The following CAMTA1 variants were observed in gnomAD, a reference collection of about 807,000 sequenced individuals.
CAMTA1 encodes the protein calmodulin-binding transcription activator 1.
A neutral mutation model predicts 170.9 loss-of-function variants in CAMTA1; 27 were observed. That is an observed-to-expected ratio of 0.16 (90% CI 0.12 to 0.22). The LOEUF (loss-of-function observed/expected upper bound fraction) is 0.22. Ranked by LOEUF, CAMTA1 falls within the 10% of genes least tolerant of loss-of-function variation. The pLI is 1.00. For synonymous variants in CAMTA1, 833 were observed against 891.5 expected (o/e 0.93, Z 1.17); for missense variants, 1,619 against 2,217.2 (o/e 0.73, Z 5.42).
intron 3 of CAMTA1, among the ~76,000 whole-genome samples, chr1:7,056,870 T>C (rs937807294): frequency 6.6e-6 from 1 of 152,170 alleles, no homozygotes; most frequent in Non-Finnish European, 1.5e-5. Flanking sequence ...ATAGGGGCCA[T>C]GAGAGCCGAT....
At chr1:7,436,569 G>A (rs1329072451) in intron 5 of CAMTA1, among the ~76,000 whole-genome samples, 1 of 152,144 alleles carries the variant, frequency 6.6e-6, no homozygotes, top group East Asian at 1.9e-4. Context: ...GGAGGAGCAG[G>A]GTGAGGTCGG....
chr1:7,715,432 C>CTTTTTTTTTTTTTTTT (rs34965685), intron 11 of CAMTA1, among the ~76,000 whole-genome samples: 1 of 142,276 alleles, frequency 7.0e-6, no homozygotes. Flanking sequence ...TAGCCACACA[C>CTTTTTTTTTTTTTTTT]TTTTTTTTTT....
intron 3 of CAMTA1, among the ~76,000 whole-genome samples, chr1:6,832,041 A>T (rs12723042): frequency 0.074 from 11,292 of 152,150 alleles, 504 homozygotes; most frequent in Non-Finnish European, 0.1. Flanking sequence ...TTATTAAATA[A>T]TAATTAATTT....
chr1:7,215,616 A>G (rs1454883739), intron 4 of CAMTA1, among the ~76,000 whole-genome samples: 1 of 151,992 alleles, frequency 6.6e-6, no homozygotes, highest in East Asian at 1.9e-4. Context: ...CTGGTCTCAA[A>G]CTCCTGACTT....
chr1:7,010,446 A>G lies in CAMTA1; in HGVS notation c.235-80858A>G, dbSNP rs577310002. On this transcript the variant is annotated intron_variant, in intron 3 of 22. Transcript: ENST00000303635. This position sits in a 1 kb window ranked among gnomAD's most constrained non-coding sequence, Gnocchi z 4.4. The stretch of plus-strand genomic sequence containing the variant: ...CTCCCAGGTCATGTCAGTCCTGAGG[A>G]TGCCAGGAGACGCTTTCTGAACACA... Among the ~76,000 whole-genome samples, 3 of 152,318 alleles carry G rather than the reference A, an allele frequency of 2.0e-5. No homozygotes were observed. The South Asian group carries it at 6.2e-4, about 32-fold the overall frequency.
chr1:7,103,358 A>AAC (rs200627225), intron 4 of CAMTA1, among the ~76,000 whole-genome samples: 2 of 151,288 alleles, frequency 1.3e-5, no homozygotes, highest in Admixed American at 1.3e-4. Flanking sequence ...ATGCACACAC[A>AAC]ACACACACAT....
chr1:6,874,903 C>G (rs1669399985), intron 3 of CAMTA1, among the ~76,000 whole-genome samples: 1 of 152,138 alleles, frequency 6.6e-6, no homozygotes, highest in Admixed American at 6.5e-5. Context: ...AAGGTTTTCA[C>G]CCAGCTGCGG....
chr1:6,962,464 T>A (rs1482202372), intron 3 of CAMTA1, among the ~76,000 whole-genome samples: 1 of 147,480 alleles, frequency 6.8e-6, no homozygotes, highest in Non-Finnish European at 1.5e-5. Flanking sequence ...TCCGTTTTGG[T>A]TCCTCTCTCC....
intron 6 of CAMTA1, among the ~76,000 whole-genome samples, chr1:7,595,543 G>A (rs1339119824): frequency 3.3e-5 from 5 of 152,162 alleles, no homozygotes; most frequent in East Asian, 3.9e-4. Flanking sequence ...TCAGCACCAC[G>A]GAGCCCGGAC....
chr1:7,062,063 G>A (rs1250281409), intron 3 of CAMTA1, among the ~76,000 whole-genome samples: 1 of 152,020 alleles, frequency 6.6e-6, no homozygotes, highest in South Asian at 2.1e-4. Context: ...GATTATAGGC[G>A]CCCGCCACCA....
At position 7,109,040 on chromosome 1, in the gene CAMTA1, T is replaced by G. The variant is rs560640699; in HGVS notation, c.302+17669T>G. Among the ~76,000 whole-genome samples the G allele has an allele frequency of 3.9e-5, 6 of 152,352 alleles. No homozygotes were observed. The East Asian group carries it at 1.2e-3, about 29-fold the overall frequency. ...TCTAGCTGTTGGCCAGAGGCTGCCCTCAGTTCCTGCCACATGGGCCTCTCC... is the reference window on the plus strand; with the variant it reads ...TCTAGCTGTTGGCCAGAGGCTGCCCGCAGTTCCTGCCACATGGGCCTCTCC... On this transcript the variant is annotated intron_variant, in intron 4 of 22. Transcript: ENST00000303635.
intron 11 of CAMTA1, among the ~76,000 whole-genome samples, chr1:7,731,583 A>G (rs1297102683): frequency 2.6e-5 from 4 of 151,942 alleles, no homozygotes; most frequent in East Asian, 3.9e-4. Context: ...AAAAAAAAAA[A>G]AAAAGAAAAG....
chr1:7,272,325 A>G (rs1055953779), intron 5 of CAMTA1, among the ~76,000 whole-genome samples: 1 of 152,160 alleles, frequency 6.6e-6, no homozygotes, highest in Non-Finnish European at 1.5e-5. Flanking sequence ...AGTACTCCCC[A>G]AATTGATCTA....
chr1:7,604,870 G>A (rs189140398), intron 6 of CAMTA1, among the ~76,000 whole-genome samples: 33 of 152,184 alleles, frequency 2.2e-4, no homozygotes, highest in East Asian at 9.7e-4. Context: ...TGTGGATGTC[G>A]TTTCTGTTTG....
chr1:7,121,518 G>A (rs1051100312), intron 4 of CAMTA1, among the ~76,000 whole-genome samples: 1 of 152,222 alleles, frequency 6.6e-6, no homozygotes, highest in African/African-American at 2.4e-5. Flanking sequence ...GCGGTCATGG[G>A]TGAAGTGCAT....
chr1:7,720,641 A>G (rs560987479), intron 11 of CAMTA1, among the ~76,000 whole-genome samples: 21 of 152,280 alleles, frequency 1.4e-4, no homozygotes, highest in African/African-American at 4.6e-4. Flanking sequence ...TCAGCCTCCT[A>G]AAGTGCTGGG....
chr1:6,800,815 G>A (rs1206117060), intron 1 of CAMTA1, among the ~76,000 whole-genome samples: 1 of 152,178 alleles, frequency 6.6e-6, no homozygotes, highest in Non-Finnish European at 1.5e-5. Context: ...CTCGCGTTTG[G>A]AGAGGCCGTG....
chr1:7,711,749 A>G (rs1228775705), intron 11 of CAMTA1, among the ~76,000 whole-genome samples: 2 of 151,902 alleles, frequency 1.3e-5, no homozygotes, highest in Non-Finnish European at 2.9e-5. Context: ...AAGCGATGTC[A>G]CTCTAGCCAG....
At chr1:7,487,027 G>GA (rs61146971) in intron 6 of CAMTA1, among the ~76,000 whole-genome samples, 80,953 of 151,962 alleles carry the variant, frequency 0.53, 21,952 homozygotes, top group African/African-American at 0.62. Context: ...GTTGGGAGGG[G>GA]AAAAATCCCT....
Sources: allele counts gnomAD v4.1 joint callset (sites outside exome capture counted in the v4.1 genomes callset), GRCh38; gene constraint gnomAD v4.1.1; non-coding constraint Gnocchi (gnomAD v3.1); transcripts MANE v1.5; gene names NCBI Gene and HGNC (gene_info 2026-07-23, HGNC 2026-07-21).